Variants in SPRYD4 observed in about 807,000 individuals in gnomAD.
SPRYD4 encodes the protein SPRY domain-containing protein 4.
SPRYD4 carries 12 observed loss-of-function variants against 16.6 expected under a neutral mutation model. That is an observed-to-expected ratio of 0.72 (90% confidence interval 0.46 to 1.17). SPRYD4 has a LOEUF of 1.17. Among genes scored for constraint, SPRYD4 ranks in the 50% most tolerant of loss-of-function variants. The pLI is 0.00. For synonymous variants in SPRYD4, 98 were observed against 105.4 expected (o/e 0.93, Z 0.43); for missense variants, 260 against 260.2 (o/e 1.00, Z 0.00).
rs1869249077 is a variant in SPRYD4, at chr12:56,471,441, G to T, written c.*1864G>T. 19 of 1,563,838 alleles carry T rather than the reference G, an allele frequency of 1.2e-5. No homozygotes were observed. Among genetic ancestry groups the T allele is most frequent in the Non-Finnish European group, 1.6e-5 (19 of 1,153,856 alleles). On this transcript the variant is annotated 3_prime_UTR_variant, in exon 2 of 2. Transcript: ENST00000338146. ...TTGGTGGTTATGGATTACATGTGTGGCCAGCTCATGCTTTTTCTTGAGCAG... is the reference window on the plus strand; with the variant it reads ...TTGGTGGTTATGGATTACATGTGTGTCCAGCTCATGCTTTTTCTTGAGCAG...
At chr12:56,468,870 T>C (rs1869108083) in intron 1 of SPRYD4, 169 bp from the exon 2 acceptor site, 1 of 1,040,626 alleles carries the variant, frequency 9.6e-7, no homozygotes, top group Non-Finnish European at 1.4e-6. Context: ...GTTTTTCAGC[T>C]CCGTGAGCTA....
chr12:56,475,706 A>T lies in SPRYD4; in HGVS notation c.*6129A>T. On this transcript the variant is annotated 3_prime_UTR_variant, in exon 2 of 2. Transcript: ENST00000338146. ...ACCTGGAAGAGAAAAAGGGACATTG[A>T]GGCTCCACTTGGTTAAGAAGCTCTA... 1 of 1,613,626 alleles carries T rather than the reference A, an allele frequency of 6.2e-7. No individual in the cohort carries two copies. The highest frequency in any genetic ancestry group is 8.5e-7 in the Non-Finnish European group (1 of 1,179,544).
In SPRYD4 at chr12:56,476,345, A is replaced by C; in HGVS notation, c.*6768A>C. ...CTGGGCCATCCCACTTCCATTCTCA[A>C]TCCAAACCCTCATCCCTGACTCCCA... On this transcript the variant is annotated 3_prime_UTR_variant, in exon 2 of 2. Transcript: ENST00000338146. 2 of 266,842 alleles carry C rather than the reference A, an allele frequency of 7.5e-6. No individual in the cohort carries two copies. The highest frequency in any genetic ancestry group is 4.3e-5 in the South Asian group (1 of 23,244). 16.5% of individuals were successfully genotyped at this position (266,842 alleles called of 1,614,324 possible). A position where few individuals can be genotyped will look rare whatever the true frequency, so the allele number is the denominator to read the frequency against.
At position 56,469,871 on chromosome 12, in the gene SPRYD4, A is replaced by G. The variant is rs1027862539; in HGVS notation, c.*294A>G. The G allele has an allele frequency of 3.1e-5, 13 of 423,724 alleles. No individual in the cohort carries two copies. The highest frequency in any genetic ancestry group is 1.3e-3 in the Middle Eastern group (2 of 1,542). The allele number at this position is 423,724 out of a possible 1,614,324, so 26.2% of individuals were successfully genotyped here. ...GCCTCCCTTTGCCCAGGCCTTTCTC[A>G]GACTGTATTCCATCCTGGGGTCTTA... is the stretch of plus-strand genomic sequence containing the variant. On this transcript the variant is annotated 3_prime_UTR_variant, in exon 2 of 2. Transcript: ENST00000338146.
rs926305118 is a variant in SPRYD4, at chr12:56,472,226, C to T, written c.*2649C>T. The T allele has an allele frequency of 6.3e-7, 1 of 1,599,982 alleles. No individual in the cohort carries two copies. ...GGTAGTGGGAAAGCAGCTAGAGTTGCCTAGATCAGACTGGAATCACAGGTG... is the reference window on the plus strand; with the variant it reads ...GGTAGTGGGAAAGCAGCTAGAGTTGTCTAGATCAGACTGGAATCACAGGTG... On this transcript the variant is annotated 3_prime_UTR_variant, in exon 2 of 2. Transcript: ENST00000338146.
Position 56,477,445 on chromosome 12 carries a change from C to T in SPRYD4, c.*7868C>T, listed in dbSNP as rs1308465105. On this transcript the variant is annotated 3_prime_UTR_variant, in exon 2 of 2. Coordinates refer to ENST00000338146, the MANE Select transcript of SPRYD4 (RefSeq NM_207344.4). ...TAGACTCATGGGTGGGGGCAGGGAA[C>T]AGTACTGAGTGGGGATGACGGAGGT... 2 of 480,930 alleles carry T rather than the reference C, an allele frequency of 4.2e-6. No individual in the cohort carries two copies. Among genetic ancestry groups the T allele is most frequent in the Non-Finnish European group, 7.5e-6 (2 of 268,386 alleles). 29.8% of individuals were successfully genotyped at this position (480,930 alleles called of 1,614,324 possible).
chr12:56,474,634 C>T lies in SPRYD4; in HGVS notation c.*5057C>T. ...GCACTGCTTCAGCACTCAGCACACT[C>T]TCGCCTGTGATGGGGCAGATCCCAC... On this transcript the variant is annotated 3_prime_UTR_variant, in exon 2 of 2. Transcript: ENST00000338146. 1.2e-6 allele frequency: 2 copies of T among 1,614,190 alleles called. No individual in the cohort carries two copies. Among genetic ancestry groups the T allele is most frequent in the South Asian group, 1.1e-5 (1 of 91,088 alleles).
At chr12:56,468,697 T>C (rs1234145414) in intron 1 of SPRYD4, 21 bp downstream of exon 1, 4 of 1,604,408 alleles carry the variant, frequency 2.5e-6, no homozygotes, top group Admixed American at 3.3e-5. Flanking sequence ...CTCTTTTTAC[T>C]CTTTTACCTC....
chr12:56,477,700 A>G lies in SPRYD4; in HGVS notation c.*8123A>G. ...GACAACAATGGCACCAGCATTGACC[A>G]TGGGGTTATGGGGGATTCCTGGGGA... On this transcript the variant is annotated 3_prime_UTR_variant, in exon 2 of 2. Coordinates refer to ENST00000338146, the MANE Select transcript of SPRYD4 (RefSeq NM_207344.4). 1 of 1,613,240 alleles carries G rather than the reference A, an allele frequency of 6.2e-7. No individual in the cohort carries two copies. Among genetic ancestry groups the G allele is most frequent in the Non-Finnish European group, 8.5e-7 (1 of 1,179,622 alleles).
chr12:56,478,961 G>A lies in SPRYD4; in HGVS notation c.*9384G>A, dbSNP rs1282376523. On this transcript the variant is annotated 3_prime_UTR_variant, in exon 2 of 2. Transcript: ENST00000338146. ...ATTGCACCATTGCACTCCAGCCCGG[G>A]TGACAGAGCAAAACTCTGTCTCAGG... 1.4e-5 allele frequency: 21 copies of A among 1,497,360 alleles called. No homozygotes were observed. The African/African-American group carries it at 2.0e-4, about 14-fold the overall frequency. The allele number at this position is 1,497,360 out of a possible 1,614,324, so 92.8% of individuals were successfully genotyped here.
Position 56,472,882 on chromosome 12 carries a change from A to ATTT in SPRYD4, c.*3307_*3308insTTT. ...GTTATGGAATGTGCTACTCTGAAAT[A>ATTT]TTCTTTTTTTTTTTTTTTTTTTTGA... On this transcript the variant is annotated 3_prime_UTR_variant, in exon 2 of 2. Coordinates refer to ENST00000338146, the MANE Select transcript of SPRYD4 (RefSeq NM_207344.4). 1.8e-6 allele frequency: 1 copy of ATTT among 544,634 alleles called. No individual in the cohort carries two copies. The highest frequency in any genetic ancestry group is 3.5e-5 in the Admixed American group (1 of 28,330). The allele number at this position is 544,634 out of a possible 1,614,324, so 33.7% of individuals were successfully genotyped here.
intron 1 of SPRYD4, 164 bp downstream of exon 1, chr12:56,468,840 C>T (rs1466041411): frequency 1.9e-6 from 2 of 1,029,134 alleles, no homozygotes; most frequent in African/African-American, 3.2e-5. Context: ...TCTTTAAATT[C>T]CGGGACTTAC....
chr12:56,470,761 C>G lies in SPRYD4; in HGVS notation c.*1184C>G, dbSNP rs1023730043. The G allele has an allele frequency of 6.6e-6, 1 of 152,156 alleles. No homozygotes were observed. The highest frequency in any genetic ancestry group is 1.5e-5 in the Non-Finnish European group (1 of 68,052). 9.4% of individuals were successfully genotyped at this position (152,156 alleles called of 1,614,324 possible). A position where few individuals can be genotyped will look rare whatever the true frequency, so the allele number is the denominator to read the frequency against. ...CTCAAACCTATGCTTCCCTTGGCAG[C>G]AGAATACACTTAACCTAAAGCAGTA... On this transcript the variant is annotated 3_prime_UTR_variant, in exon 2 of 2. Transcript: ENST00000338146.
chr12:56,478,439 A>G lies in SPRYD4; in HGVS notation c.*8862A>G, dbSNP rs1042847570. ...CCCGAGCCTTAAGTCCTAGAAGGCC[A>G]TATCTTTGTGTATCCGCAATCCTGT... On this transcript the variant is annotated 3_prime_UTR_variant, in exon 2 of 2. Coordinates refer to ENST00000338146, the MANE Select transcript of SPRYD4 (RefSeq NM_207344.4). The G allele has an allele frequency of 3.2e-6, 2 of 626,892 alleles. No individual in the cohort carries two copies. Among genetic ancestry groups the G allele is most frequent in the South Asian group, 1.9e-5 (1 of 51,836 alleles). The allele number at this position is 626,892 out of a possible 1,614,324, so 38.8% of individuals were successfully genotyped here.
chr12:56,469,467 G>T lies in SPRYD4; in HGVS notation c.514G>T (p.Val172Leu). ...LSLVDVSQVS[V>L]VHTLQTDFRG... ...CCTGGTGGATGTGAGCCAGGTCTCT[G>T]TGGTTCACACGCTACAGACAGATTT... The change falls in exon 2 of 2, where the codon GTG (valine) becomes TTG (leucine). Residue 172 changes from valine (V) to leucine (L), a missense_variant. By Grantham distance (32) the Val-to-Leu change is conservative. Transcript: ENST00000338146. 1 of 1,614,138 alleles carries T rather than the reference G, an allele frequency of 6.2e-7. No individual in the cohort carries two copies. Among genetic ancestry groups the T allele is most frequent in the Non-Finnish European group, 8.5e-7 (1 of 1,180,012 alleles).
Position 56,477,518 on chromosome 12 carries a change from G to C in SPRYD4, c.*7941G>C. ...TTGTCAGCATAACATGTGGGTCCCT[G>C]CTGTGCCTCATGTGCCTTCTGGGGA... On this transcript the variant is annotated 3_prime_UTR_variant, in exon 2 of 2. Coordinates refer to ENST00000338146, the MANE Select transcript of SPRYD4 (RefSeq NM_207344.4). 1.3e-6 allele frequency: 1 copy of C among 759,430 alleles called. No individual in the cohort carries two copies. Among genetic ancestry groups the C allele is most frequent in the Non-Finnish European group, 2.2e-6 (1 of 451,502 alleles). 47.0% of individuals were successfully genotyped at this position (759,430 alleles called of 1,614,324 possible).
rs1182014247 is a variant in SPRYD4, at chr12:56,474,979, C to T, written c.*5402C>T. ...CAGGGTCTCAGCTGAAGCCCCCAAC[C>T]CCTACTGCCCTTCCACTAGCAGCAG... On this transcript the variant is annotated 3_prime_UTR_variant, in exon 2 of 2. Transcript: ENST00000338146. The T allele has an allele frequency of 1.9e-6, 3 of 1,613,662 alleles. No homozygotes were observed. The highest frequency in any genetic ancestry group is 2.5e-6 in the Non-Finnish European group (3 of 1,179,912).
chr12:56,476,074 CCTG>C lies in SPRYD4; in HGVS notation c.*6505_*6507del. ...AGTGGAGTTCTAGTGTTAGTCTGGT[CCTG>C]CTGCTGCAAATGTGTTCAATTTTAT... On this transcript the variant is annotated 3_prime_UTR_variant, in exon 2 of 2. Coordinates refer to ENST00000338146, the MANE Select transcript of SPRYD4 (RefSeq NM_207344.4). 1 of 1,180,150 alleles carries C rather than the reference CCTG, an allele frequency of 8.5e-7. No homozygotes were observed. Among genetic ancestry groups the C allele is most frequent in the Non-Finnish European group, 1.2e-6 (1 of 806,258 alleles). 73.1% of individuals were successfully genotyped at this position (1,180,150 alleles called of 1,614,324 possible).
chr12:56,469,349 C>G lies in SPRYD4; in HGVS notation c.396C>G (p.Tyr132Ter), dbSNP rs1216259854. ...WVFTYAQRKW[Y>*]TMLANEKAPV... ...TCACCTATGCCCAGCGCAAGTGGTA[C>G]ACCATGTTGGCCAACGAGAAAGCCC... The change falls in exon 2 of 2, where the codon TAC becomes TAG. Residue 132 changes from tyrosine (Y) to a stop codon, truncating the protein, a stop_gained. Coordinates refer to ENST00000338146, the MANE Select transcript of SPRYD4 (RefSeq NM_207344.4). LOFTEE classifies it high-confidence loss of function. 6.2e-7 allele frequency: 1 copy of G among 1,614,150 alleles called. No individual in the cohort carries two copies. Among genetic ancestry groups the G allele is most frequent in the Admixed American group, 1.7e-5 (1 of 60,026 alleles).
Sources: allele counts gnomAD v4.1 joint callset, GRCh38; gene constraint gnomAD v4.1.1; transcripts MANE v1.5; gene names NCBI Gene and HGNC (gene_info 2026-07-23, HGNC 2026-07-21).